Variants in LARP4B observed in about 807,000 individuals in gnomAD.
LARP4B encodes the protein la-related protein 4B.
Under a neutral mutation model 89.8 loss-of-function variants are expected in LARP4B, and 12 were observed. The ratio of observed to expected loss-of-function variants is 0.13; its 90% CI spans 0.09 to 0.22. LARP4B has a LOEUF of 0.22. Ranked by LOEUF, LARP4B falls within the 10% of genes least tolerant of loss-of-function variation. The pLI is 1.00. For synonymous variants in LARP4B, 367 were observed against 363.3 expected (o/e 1.01, Z -0.12); for missense variants, 757 against 947.7 (o/e 0.80, Z 2.64).
the LARP4B span, among the ~76,000 whole-genome samples, chr10:949,153 G>A: frequency 6.6e-6 from 1 of 151,752 alleles, no homozygotes; most frequent in South Asian, 2.1e-4. Context: ...CCATTTCCCA[G>A]GCGGCTCTAC....
the LARP4B span, among the ~76,000 whole-genome samples, chr10:944,542 C>T: frequency 1.3e-5 from 2 of 152,228 alleles, no homozygotes; most frequent in African/African-American, 4.8e-5. Flanking sequence ...TATGAAGAAA[C>T]AGCATAGCCT....
chr10:963,625 C>T, the LARP4B span, among the ~76,000 whole-genome samples: 1 of 152,196 alleles, frequency 6.6e-6, no homozygotes, highest in Non-Finnish European at 1.5e-5. Context: ...GGAAAAGATG[C>T]CTTCAGTGAC....
the LARP4B span, among the ~76,000 whole-genome samples, chr10:962,083 G>A: frequency 3.3e-5 from 5 of 151,856 alleles, no homozygotes; most frequent in East Asian, 7.7e-4. Context: ...ACCTGAGGTC[G>A]GGAGTTCGAG....
At chr10:866,716 T>C (rs1393750269) in intron 3 of LARP4B, among the ~76,000 whole-genome samples, 1 of 152,246 alleles carries the variant, frequency 6.6e-6, no homozygotes, top group Non-Finnish European at 1.5e-5. Context: ...CCTCAGCTCA[T>C]GCACATACTA....
intron 3 of LARP4B, chr10:869,931 TAATAATAATAATA>T: frequency 5.5e-6 from 1 of 182,896 alleles, no homozygotes; most frequent in Non-Finnish European, 1.0e-5. Context: ...ATAATAATAA[TAATAATAATAATA>T]ATAATAAATT....
chr10:827,806 T>C (rs1450823968), intron 11 of LARP4B, among the ~76,000 whole-genome samples: 1 of 152,198 alleles, frequency 6.6e-6, no homozygotes, highest in Non-Finnish European at 1.5e-5. Flanking sequence ...CGGACTCAAG[T>C]CTCTCTGAGG....
In LARP4B at chr10:813,137, T is replaced by G. The variant is rs987413595; in HGVS notation, c.2006A>C (p.Gln669Pro). The change falls in exon 18 of 18, where the codon CAA becomes CCA. Residue 669 changes from glutamine to proline, a missense_variant. Transcript: ENST00000316157. ...KEPPSSPLQP[Q>P]KEQKPNTVGC... ...AACAGTGTTTGGCTTTTGTTCTTTT[T>G]GGGGTTGCAATGGGGAAGAAGGAGG... 1 of 1,614,126 alleles carries G rather than the reference T, an allele frequency of 6.2e-7. No homozygotes were observed. The highest frequency in any genetic ancestry group is 1.3e-5 in the African/African-American group (1 of 75,032).
At position 931,091 on chromosome 10, in the gene LARP4B, G is replaced by A. The variant is rs1307012933; in HGVS notation, c.-40+337C>T. ...CCGTCGACTCCCGCCTCGCCTCAACGGGTCCTCCTAAGCCCCGGCCCCGGC... is the reference window on the plus strand; with the variant it reads ...CCGTCGACTCCCGCCTCGCCTCAACAGGTCCTCCTAAGCCCCGGCCCCGGC... On this transcript the variant is annotated intron_variant, in intron 1 of 17. Transcript: ENST00000316157. Among the ~76,000 whole-genome samples, 6 of 150,188 alleles carry A rather than the reference G, an allele frequency of 4.0e-5. No homozygotes were observed. In the East Asian group the frequency reaches 7.8e-4, roughly 20 times the overall value.
At chr10:949,223 C>T in the LARP4B span, among the ~76,000 whole-genome samples, 2 of 152,038 alleles carry the variant, frequency 1.3e-5, no homozygotes, top group Non-Finnish European at 2.9e-5. Flanking sequence ...TTCCAGGCAG[C>T]TGTACCATCT....
At chr10:966,230 G>A in the LARP4B span, among the ~76,000 whole-genome samples, 6 of 152,232 alleles carry the variant, frequency 3.9e-5, no homozygotes, top group Non-Finnish European at 8.8e-5. Context: ...CAAGGCAGGA[G>A]GATTGATTGA....
the LARP4B span, chr10:987,703 A>G: frequency 6.6e-6 from 1 of 152,290 alleles, no homozygotes; most frequent in African/African-American, 2.4e-5. Context: ...ATTCACAAAC[A>G]TAAAAGCAGT....
At chr10:875,104 T>C (rs1003997559) in intron 3 of LARP4B, among the ~76,000 whole-genome samples, 38 of 152,326 alleles carry the variant, frequency 2.5e-4, no homozygotes, top group African/African-American at 9.1e-4. Context: ...AACATCTACA[T>C]GGCAAAAACG....
chr10:972,640 T>A, the LARP4B span: 1,776 of 457,366 alleles, frequency 3.9e-3, 29 homozygotes, highest in African/African-American at 0.032. Flanking sequence ...AACATTCCAT[T>A]TCTATGTAAG....
chr10:967,078 G>C, the LARP4B span, among the ~76,000 whole-genome samples: 151,947 of 152,334 alleles, frequency 1, 75,782 homozygotes, highest in Middle Eastern at 1. Context: ...GGCCTCCCCC[G>C]GGATCACGGA....
chr10:892,148 C>T (rs1315053531), intron 1 of LARP4B, among the ~76,000 whole-genome samples: 1 of 152,252 alleles, frequency 6.6e-6, no homozygotes, highest in Non-Finnish European at 1.5e-5. Context: ...GCTCCGCACT[C>T]GCCAGTGCCT....
chr10:935,903 T>TG (rs796128821), upstream of LARP4B, among the ~76,000 whole-genome samples: 3,802 of 150,958 alleles, frequency 0.025, 168 homozygotes, highest in African/African-American at 0.085. Context: ...TGTTTTTTTT[T>TG]TTTGTTTGTT....
chr10:892,784 C>T (rs2131959073), intron 1 of LARP4B, among the ~76,000 whole-genome samples: 1 of 152,210 alleles, frequency 6.6e-6, no homozygotes, highest in Non-Finnish European at 1.5e-5. Flanking sequence ...TGTGATCCAC[C>T]CACCTCGGCC....
At chr10:928,241 A>C (rs545863639) in intron 1 of LARP4B, among the ~76,000 whole-genome samples, 3 of 152,178 alleles carry the variant, frequency 2.0e-5, no homozygotes, top group African/African-American at 4.8e-5. Context: ...AAAAAAAAAA[A>C]AAACTTGTAC....
intron 1 of LARP4B, among the ~76,000 whole-genome samples, chr10:915,646 T>C (rs1836798753): frequency 6.6e-6 from 1 of 151,864 alleles, no homozygotes; most frequent in African/African-American, 2.4e-5. Flanking sequence ...CTACTAAAAA[T>C]ACAAACAATT....
Sources: gnomAD v4.1 joint callset for allele counts (sites outside exome capture counted in the v4.1 genomes callset) on GRCh38, gnomAD v4.1.1 for gene constraint, MANE v1.5 for transcripts, NCBI Gene and HGNC (gene_info 2026-07-23, HGNC 2026-07-21) for gene names.